TOP6BL: variants seen among roughly 807,000 people sequenced by gnomAD.
The protein encoded by TOP6BL is TOP6B like initiator of meiotic double strand breaks, also known as type 2 DNA topoisomerase 6 subunit B-like.
chr11:66,780,151 C>G, the TOP6BL span, among the ~76,000 whole-genome samples: 5 of 150,508 alleles, frequency 3.3e-5, no homozygotes, highest in East Asian at 9.8e-4. Context: ...CTAAAACTTT[C>G]ATAAAAAAAA....
chr11:66,843,132 T>G, the TOP6BL span: 2 of 1,607,722 alleles, frequency 1.2e-6, no homozygotes, highest in Admixed American at 1.7e-5. Flanking sequence ...GGGCCGCTGC[T>G]GAGAGGTCCT....
chr11:66,814,145 G>A, the TOP6BL span: 8 of 1,071,726 alleles, frequency 7.5e-6, no homozygotes, highest in East Asian at 1.8e-4. Flanking sequence ...GGGGTTTGGG[G>A]GTCAGGGTCT....
chr11:66,761,572 GC>G, the TOP6BL span: 15 of 1,130,890 alleles, frequency 1.3e-5, no homozygotes, highest in African/African-American at 2.4e-4. Context: ...GTGTCTGTCT[GC>G]TCTACTGGCT....
the TOP6BL span, among the ~76,000 whole-genome samples, chr11:66,779,182 G>T: frequency 6.6e-6 from 1 of 152,128 alleles, no homozygotes; most frequent in Non-Finnish European, 1.5e-5. Context: ...TTAAACTAAA[G>T]AGCTTCTGCA....
chr11:66,835,344 C>T, the TOP6BL span, among the ~76,000 whole-genome samples: 1 of 151,938 alleles, frequency 6.6e-6, no homozygotes, highest in South Asian at 2.1e-4. Flanking sequence ...TATTTTTGCC[C>T]CTCCTATGTT....
the TOP6BL span, among the ~76,000 whole-genome samples, chr11:66,809,036 C>G: frequency 5.7e-4 from 87 of 152,274 alleles, no homozygotes; most frequent in South Asian, 1.7e-3. Flanking sequence ...GCTCCGCCTC[C>G]CGGGTTCATG....
At chr11:66,813,516 C>G in the TOP6BL span, among the ~76,000 whole-genome samples, 18 of 152,044 alleles carry the variant, frequency 1.2e-4, no homozygotes, top group Non-Finnish European at 2.5e-4. Context: ...GGGCAGATCA[C>G]GAGGTCAAGA....
At chr11:66,821,907 G>T in the TOP6BL span, 788 of 1,021,420 alleles carry the variant, frequency 7.7e-4, 1 homozygote, top group African/African-American at 0.011. Context: ...TTGTAACACT[G>T]CATCTAGCCT....
the TOP6BL span, chr11:66,796,371 T>G: frequency 1.3e-6 from 2 of 1,594,126 alleles, no homozygotes; most frequent in Non-Finnish European, 1.7e-6. Context: ...TAAGGTAAGC[T>G]GTTCCTTTGT....
chr11:66,828,428 T>A, the TOP6BL span: 1 of 1,262,144 alleles, frequency 7.9e-7, no homozygotes, highest in Non-Finnish European at 1.1e-6. Flanking sequence ...AATCCTGAAT[T>A]GAGGGTGGGT....
the TOP6BL span, among the ~76,000 whole-genome samples, chr11:66,750,095 C>G: frequency 2.8e-4 from 43 of 152,240 alleles, no homozygotes; most frequent in African/African-American, 8.4e-4. Flanking sequence ...TCTTAGTTAT[C>G]AATATCCATT....
chr11:66,800,771 C>T, the TOP6BL span: 2 of 1,306,432 alleles, frequency 1.5e-6, no homozygotes, highest in Admixed American at 2.5e-5. Flanking sequence ...GTCCTATTTC[C>T]AAAAGGTTCA....
At chr11:66,797,585 G>A in the TOP6BL span, among the ~76,000 whole-genome samples, 1 of 151,642 alleles carries the variant, frequency 6.6e-6, no homozygotes, top group South Asian at 2.1e-4. Flanking sequence ...GCTCACTGCA[G>A]CCTCTACCTC....
chr11:66,759,038 TA>T, the TOP6BL span: 1 of 1,557,136 alleles, frequency 6.4e-7, no homozygotes. Flanking sequence ...TTCTGTTTCT[TA>T]CAGTTGCTTC....
At chr11:66,843,418 G>A in the TOP6BL span, 1 of 1,404,392 alleles carries the variant, frequency 7.1e-7, no homozygotes, top group Non-Finnish European at 9.2e-7. Context: ...CACCTCCCTG[G>A]GACTGCGTCA....
the TOP6BL span, among the ~76,000 whole-genome samples, chr11:66,804,949 C>T: frequency 6.6e-6 from 1 of 152,294 alleles, no homozygotes; most frequent in Admixed American, 6.5e-5. Flanking sequence ...CGCCTGTAAT[C>T]CCAGCTACTC....
the TOP6BL span, chr11:66,813,897 G>A: frequency 6.2e-7 from 1 of 1,613,958 alleles, no homozygotes; most frequent in Non-Finnish European, 8.5e-7. Flanking sequence ...GTCTGCCTCT[G>A]ATATTGTCAA....
chr11:66,788,154 A>G, the TOP6BL span: 13 of 1,590,566 alleles, frequency 8.2e-6, no homozygotes, highest in Non-Finnish European at 1.1e-5. Flanking sequence ...ATTTCTTCTC[A>G]CACAGAAATA....
chr11:66,821,532 C>T, the TOP6BL span: 1 of 1,261,008 alleles, frequency 7.9e-7, no homozygotes, highest in Non-Finnish European at 1.1e-6. Context: ...GCCTCGGCCT[C>T]CCAAAGTGCT....
Sources: gnomAD v4.1 joint callset for allele counts (sites outside exome capture counted in the v4.1 genomes callset) on GRCh38, gnomAD v4.1.1 for gene constraint, MANE v1.5 for transcripts, NCBI Gene and HGNC (gene_info 2026-07-23, HGNC 2026-07-21) for gene names.